The following TDRD5 variants were observed in gnomAD, a reference collection of about 807,000 sequenced individuals.
TDRD5 encodes tudor domain containing 5, also known as tudor domain-containing protein 5.
In TDRD5, 41 loss-of-function variants were observed where a neutral mutation model predicts 120.6. The ratio of observed to expected loss-of-function variants is 0.34; its 90% CI spans 0.26 to 0.44. The LOEUF is 0.44. Among genes scored for constraint, TDRD5 ranks in the 20% least tolerant of loss-of-function variants. TDRD5 has a pLI of 1.00. For missense variants in TDRD5, 1,006 were observed against 1,221.2 expected, an observed-to-expected ratio of 0.82 and a Z score of 2.63; for synonymous variants, 430 against 433.7, an observed-to-expected ratio of 0.99 and a Z score of 0.11.
At chr1:179,639,402 T>G (rs898446548) in intron 9 of TDRD5, among the ~76,000 whole-genome samples, 1 of 152,136 alleles carries the variant, frequency 6.6e-6, no homozygotes, top group African/African-American at 2.4e-5. Context: ...AAATAACTAT[T>G]GACAAAGAAG....
chr1:179,629,455 C>CAGAA (rs10690842), intron 6 of TDRD5, among the ~76,000 whole-genome samples: 51,383 of 151,624 alleles, frequency 0.34, 8,860 homozygotes, highest in Admixed American at 0.42. Context: ...TTGAGTTTTT[C>CAGAA]AGTATAAAAT....
intron 17 of TDRD5, among the ~76,000 whole-genome samples, chr1:179,686,119 G>C (rs182327174): frequency 2.6e-4 from 39 of 152,140 alleles, no homozygotes; most frequent in Admixed American, 3.3e-4. Context: ...CTGTCTTGTG[G>C]CAGTTTTCAA....
chr1:179,646,972 C>T (rs1319374239), intron 11 of TDRD5, among the ~76,000 whole-genome samples: 2 of 149,988 alleles, frequency 1.3e-5, no homozygotes, highest in Admixed American at 6.7e-5. Flanking sequence ...AATGGAAGAA[C>T]ATTCCATGCT....
chr1:179,607,658 C>T (rs1377684469), intron 4 of TDRD5, among the ~76,000 whole-genome samples: 1 of 151,864 alleles, frequency 6.6e-6, no homozygotes. Flanking sequence ...AATGTAAGAA[C>T]CTCGGGACAG....
intron 3 of TDRD5, 28 bp downstream of exon 3, chr1:179,593,895 G>A (rs1010631415): frequency 2.4e-5 from 38 of 1,599,558 alleles, no homozygotes; most frequent in Non-Finnish European, 2.8e-5. Flanking sequence ...TGTTGGAGCA[G>A]TCATGGCACA....
intron 4 of TDRD5, among the ~76,000 whole-genome samples, chr1:179,612,162 A>G (rs1480544439): frequency 6.6e-6 from 1 of 152,206 alleles, no homozygotes; most frequent in Non-Finnish European, 1.5e-5. Context: ...TTCCAAAGTG[A>G]ACATGCATCA....
chr1:179,616,151 A>G (rs72706730), intron 4 of TDRD5, among the ~76,000 whole-genome samples: 7,166 of 152,270 alleles, frequency 0.047, 262 homozygotes, highest in Non-Finnish European at 0.069. Flanking sequence ...GTCATAAGCC[A>G]TGATCCAGAG....
intron 12 of TDRD5, among the ~76,000 whole-genome samples, chr1:179,651,425 T>G (rs927432866): frequency 6.6e-6 from 1 of 152,134 alleles, no homozygotes; most frequent in Non-Finnish European, 1.5e-5. Flanking sequence ...ATGGTGCTAC[T>G]GCACTCCAGC....
chr1:179,622,838 AAAATAATGGCCC>A (rs1258823913), intron 6 of TDRD5, among the ~76,000 whole-genome samples: 2 of 152,184 alleles, frequency 1.3e-5, no homozygotes, highest in Non-Finnish European at 2.9e-5. Context: ...TATATTTGAA[AAAATAATGGCCC>A]AAATTTCCCA....
At chr1:179,690,590 C>A in intron 17 of TDRD5, 106 bp from the exon 18 acceptor site, 1 of 1,470,502 alleles carries the variant, frequency 6.8e-7, no homozygotes, top group Non-Finnish European at 9.1e-7. Context: ...CGCTACCTAA[C>A]AGAAAATGAT....
intron 6 of TDRD5, among the ~76,000 whole-genome samples, chr1:179,627,081 G>A (rs1677169639): frequency 6.6e-6 from 1 of 152,144 alleles, no homozygotes; most frequent in Non-Finnish European, 1.5e-5. Context: ...CATTTTCACA[G>A]CAATGTTTTA....
chr1:179,592,645 T>C lies in TDRD5; in HGVS notation c.30T>C (p.Cys10=). MSEQERIQE[C]LRKEIRSLLI... is the part of the protein sequence containing the mutation. ...CTGAACAAGAGCGTATACAGGAATG[T>C]CTGCGGAAGGAAATAAGGTCACTTC... Residue 10 remains cysteine (C), a synonymous_variant, in exon 2 of 18, where the codon TGT becomes TGC. Coordinates refer to ENST00000444136, the MANE Select transcript of TDRD5 (RefSeq NM_001199085.3). The C allele has an allele frequency of 1.2e-6, 2 of 1,614,124 alleles. No individual in the cohort carries two copies. Among genetic ancestry groups the C allele is most frequent in the East Asian group, 4.5e-5 (2 of 44,874 alleles).
intron 11 of TDRD5, among the ~76,000 whole-genome samples, chr1:179,644,046 G>A (rs1678204963): frequency 6.6e-6 from 1 of 151,962 alleles, no homozygotes; most frequent in East Asian, 1.9e-4. Flanking sequence ...AAGTCAAGCT[G>A]GAATTCTATA....
At chr1:179,606,190 A>G (rs1008760389) in intron 4 of TDRD5, among the ~76,000 whole-genome samples, 3 of 111,336 alleles carry the variant, frequency 2.7e-5, no homozygotes, top group African/African-American at 8.5e-5. Flanking sequence ...CCCTCATGAC[A>G]TGATATTGAA....
intron 11 of TDRD5, among the ~76,000 whole-genome samples, chr1:179,648,268 T>TA (rs1305500292): frequency 6.9e-6 from 1 of 145,812 alleles, no homozygotes; most frequent in South Asian, 2.3e-4. Context: ...TATGCAGCCA[T>TA]AAAAAATGAT....
chr1:179,657,315 C>T (rs899030834), intron 14 of TDRD5, among the ~76,000 whole-genome samples: 5 of 152,058 alleles, frequency 3.3e-5, no homozygotes, highest in African/African-American at 1.2e-4. Context: ...TTTCAGTATA[C>T]AGGATCTGTA....
intron 6 of TDRD5, among the ~76,000 whole-genome samples, chr1:179,621,917 C>A (rs1038011333): frequency 5.8e-4 from 88 of 152,236 alleles, no homozygotes; most frequent in African/African-American, 1.9e-3. Context: ...TTAACCTGGG[C>A]AGTCTGGCTT....
At chr1:179,644,044 C>A (rs1469878340) in intron 11 of TDRD5, among the ~76,000 whole-genome samples, 3 of 152,018 alleles carry the variant, frequency 2.0e-5, no homozygotes, top group Non-Finnish European at 4.4e-5. Context: ...AGAAGTCAAG[C>A]TGGAATTCTA....
chr1:179,592,377 G>A, intron 1 of TDRD5: 2 of 478,716 alleles, frequency 4.2e-6, no homozygotes, highest in South Asian at 2.2e-5. Context: ...CCTCCGCATG[G>A]CCAGGGGCAG....
Sources: gnomAD v4.1 joint callset for allele counts (sites outside exome capture counted in the v4.1 genomes callset) on GRCh38, gnomAD v4.1.1 for gene constraint, MANE v1.5 for transcripts, NCBI Gene and HGNC (gene_info 2026-07-23, HGNC 2026-07-21) for gene names.